The following STAU1 variants were observed in gnomAD, a reference collection of about 807,000 sequenced individuals.
STAU1 encodes the protein staufen double-stranded RNA binding protein 1, also known as double-stranded RNA-binding protein Staufen homolog 1.
A neutral mutation model predicts 62.9 loss-of-function variants in STAU1; 13 were observed. The ratio of observed to expected loss-of-function variants is 0.21; its 90% CI spans 0.13 to 0.33. STAU1 has a LOEUF of 0.33. STAU1 is among the 10% of genes least tolerant of loss of function. The pLI is 1.00. For synonymous variants in STAU1, 269 were observed against 265.1 expected, an observed-to-expected ratio of 1.01 and a Z score of -0.14; for missense variants, 571 against 712.1, an observed-to-expected ratio of 0.80 and a Z score of 2.25.
At chr20:49,146,594 T>C (rs551587276) in intron 5 of STAU1, among the ~76,000 whole-genome samples, 2 of 151,234 alleles carry the variant, frequency 1.3e-5, no homozygotes, top group African/African-American at 2.4e-5. Context: ...CCCAGCTACT[T>C]AGGAGGCTGA....
At chr20:49,135,718 G>A in intron 6 of STAU1, 115 bp downstream of exon 6, 2 of 765,288 alleles carry the variant, frequency 2.6e-6, no homozygotes, top group East Asian at 5.3e-5. Flanking sequence ...TCTTAAATTT[G>A]GAGGTTCACA....
rs761878775 is a variant in STAU1, at chr20:49,114,537, CA to C, written c.*340del. The C allele has an allele frequency of 2.0e-4, 60 of 295,686 alleles. No individual in the cohort carries two copies. The Middle Eastern group carries it at 3.0e-3, about 15-fold the overall frequency. 18.3% of individuals were successfully genotyped at this position (295,686 alleles called of 1,614,324 possible). ...GGGTCGTGCCGTTTCTTCTTTCACA[CA>C]GGGGAAAAAAAAGACCAAACACGGA... On this transcript the variant is annotated 3_prime_UTR_variant, in exon 14 of 14. Transcript: ENST00000371856.
chr20:49,175,857 C>G (rs911964947), intron 1 of STAU1, among the ~76,000 whole-genome samples: 53 of 130,282 alleles, frequency 4.1e-4, no homozygotes, highest in African/African-American at 1.6e-3. Context: ...TGCAGTGGCG[C>G]AATCTCGGCT....
At chr20:49,203,245 T>C in the STAU1 span, among the ~76,000 whole-genome samples, 1 of 152,070 alleles carries the variant, frequency 6.6e-6, no homozygotes, top group African/African-American at 2.4e-5. Context: ...GCCAACATGA[T>C]GAAACCCCAT....
intron 6 of STAU1, among the ~76,000 whole-genome samples, chr20:49,126,495 G>C (rs1201734265): frequency 1.4e-5 from 2 of 143,102 alleles, no homozygotes; most frequent in African/African-American, 5.2e-5. Flanking sequence ...TTAAGCCCAG[G>C]AGATCAAGGC....
intron 5 of STAU1, among the ~76,000 whole-genome samples, chr20:49,138,165 C>T (rs1040446532): frequency 5.3e-5 from 8 of 151,912 alleles, no homozygotes; most frequent in Admixed American, 4.6e-4. Flanking sequence ...CATCTGTGGT[C>T]CCAGCTACTT....
chr20:49,141,502 G>C (rs763497444), intron 5 of STAU1, among the ~76,000 whole-genome samples: 7 of 152,180 alleles, frequency 4.6e-5, no homozygotes, highest in African/African-American at 7.2e-5. Context: ...GAAGCAAAAA[G>C]ATCACTTGAT....
intron 1 of STAU1, among the ~76,000 whole-genome samples, chr20:49,185,887 T>G (rs1379535514): frequency 6.6e-6 from 1 of 152,106 alleles, no homozygotes; most frequent in Non-Finnish European, 1.5e-5. Context: ...TTTGTTTTGT[T>G]TTTTTGGAGA....
chr20:49,180,253 T>TA (rs1314798374), intron 1 of STAU1, among the ~76,000 whole-genome samples: 1 of 151,376 alleles, frequency 6.6e-6, no homozygotes, highest in African/African-American at 2.4e-5. Context: ...TCATTTCCAC[T>TA]AAAGCAGAAT....
intron 3 of STAU1, among the ~76,000 whole-genome samples, chr20:49,155,256 G>A (rs2093340242): frequency 1.3e-5 from 2 of 152,084 alleles, no homozygotes; most frequent in South Asian, 2.1e-4. Flanking sequence ...AAATATTCAG[G>A]TATTTCCATT....
intron 6 of STAU1, among the ~76,000 whole-genome samples, chr20:49,129,701 C>T (rs1237335427): frequency 1.5e-5 from 2 of 134,240 alleles, no homozygotes; most frequent in Non-Finnish European, 3.0e-5. Flanking sequence ...GTAGCATGAT[C>T]TCGGCTCACT....
chr20:49,157,028 C>T (rs778269352), intron 3 of STAU1, among the ~76,000 whole-genome samples: 1 of 152,026 alleles, frequency 6.6e-6, no homozygotes, highest in Non-Finnish European at 1.5e-5. Context: ...AGGCACCTGC[C>T]ACCATGCCCG....
chr20:49,183,917 G>A (rs1328411841), intron 1 of STAU1, among the ~76,000 whole-genome samples: 1 of 151,386 alleles, frequency 6.6e-6, no homozygotes, highest in African/African-American at 2.4e-5. Context: ...TGAAATAAAT[G>A]TGAAGTATAC....
chr20:49,217,082 CA>C, the STAU1 span, among the ~76,000 whole-genome samples: 1 of 152,278 alleles, frequency 6.6e-6, no homozygotes, highest in Admixed American at 6.5e-5. Context: ...AGGCGCTGCT[CA>C]GCGTTGCTGG....
intron 3 of STAU1, among the ~76,000 whole-genome samples, chr20:49,160,896 G>A (rs1471194205): frequency 6.6e-6 from 1 of 152,168 alleles, no homozygotes; most frequent in Admixed American, 6.6e-5. Context: ...ACAAGCAGGA[G>A]AGGAGCCAGA....
At chr20:49,127,956 C>G (rs1035566626) in intron 6 of STAU1, among the ~76,000 whole-genome samples, 2 of 152,144 alleles carry the variant, frequency 1.3e-5, no homozygotes, top group African/African-American at 4.8e-5. Context: ...TTGAGACCAG[C>G]CTGACCAACA....
chr20:49,120,707 G>A (rs904683292), intron 8 of STAU1, among the ~76,000 whole-genome samples: 5 of 152,146 alleles, frequency 3.3e-5, no homozygotes, highest in Admixed American at 6.5e-5. Flanking sequence ...ATATCTTCCC[G>A]TCTTTGAAAA....
intron 3 of STAU1, among the ~76,000 whole-genome samples, chr20:49,156,356 T>G (rs2093356523): frequency 1.3e-5 from 2 of 152,212 alleles, no homozygotes; most frequent in Non-Finnish European, 2.9e-5. Context: ...ACCACTGCTT[T>G]ACAATGAGGT....
At chr20:49,176,369 A>G (rs1289712748) in intron 1 of STAU1, among the ~76,000 whole-genome samples, 1 of 152,170 alleles carries the variant, frequency 6.6e-6, no homozygotes, top group South Asian at 2.1e-4. Context: ...TACATTACAG[A>G]ATTTGAGTTT....
Sources: allele counts gnomAD v4.1 joint callset (sites outside exome capture counted in the v4.1 genomes callset), GRCh38; gene constraint gnomAD v4.1.1; transcripts MANE v1.5; gene names NCBI Gene and HGNC (gene_info 2026-07-23, HGNC 2026-07-21).